The following AUTS2 variants were observed in gnomAD, a reference collection of about 807,000 sequenced individuals.
AUTS2 encodes autism susceptibility gene 2 protein.
AUTS2 carries 17 observed loss-of-function variants against 112.4 expected under a neutral mutation model. The observed-to-expected ratio is 0.15, with a 90% CI of 0.10 to 0.23. AUTS2 has a LOEUF of 0.23. AUTS2 is among the 10% of genes least tolerant of loss of function. AUTS2 has a pLI of 1.00. For missense variants in AUTS2, 1,510 were observed against 1,701.6 expected, an observed-to-expected ratio of 0.89 and a Z score of 1.98; for synonymous variants, 751 against 702.7, an observed-to-expected ratio of 1.07 and a Z score of -1.09.
At chr7:69,812,787 T>C (rs918636180) in intron 1 of AUTS2, among the ~76,000 whole-genome samples, 3 of 152,146 alleles carry the variant, frequency 2.0e-5, no homozygotes, top group Non-Finnish European at 2.9e-5. Context: ...CACTGAGGGC[T>C]GAATGACACT....
At position 70,581,109 on chromosome 7, in the gene AUTS2, G is replaced by A. The variant is rs570857905; in HGVS notation, c.691-117460G>A. ...AAAAAATTTTAAAATAAGGCCGGGC[G>A]TAGTGGCTCACGCTTGTAATACCAG... On this transcript the variant is annotated intron_variant, in intron 5 of 18. Transcript: ENST00000342771. Among the ~76,000 whole-genome samples, 302 of 152,236 alleles carry A rather than the reference G, an allele frequency of 2.0e-3. 1 individual carries two copies. The highest frequency in any genetic ancestry group is 3.8e-3 in the African/African-American group (156 of 41,540).
chr7:70,321,233 T>C (rs538333363), intron 4 of AUTS2, among the ~76,000 whole-genome samples: 37 of 152,326 alleles, frequency 2.4e-4, no homozygotes, highest in African/African-American at 8.2e-4. Context: ...TCCATGCTTG[T>C]TTGACTGTAA....
intron 2 of AUTS2, among the ~76,000 whole-genome samples, chr7:70,039,377 C>T (rs115808109): frequency 0.021 from 3,120 of 152,034 alleles, 126 homozygotes; most frequent in African/African-American, 0.071. Flanking sequence ...TGTTTTTTCT[C>T]CCCAAGATGC....
At chr7:70,173,838 G>A (rs1400241252) in intron 4 of AUTS2, among the ~76,000 whole-genome samples, 1 of 151,888 alleles carries the variant, frequency 6.6e-6, no homozygotes, top group East Asian at 1.9e-4. Flanking sequence ...TATAAGAACA[G>A]TGTGTGTTCT....
chr7:70,221,190 G>A (rs994004383), intron 4 of AUTS2, among the ~76,000 whole-genome samples: 5 of 152,208 alleles, frequency 3.3e-5, no homozygotes, highest in African/African-American at 9.6e-5. Context: ...TTACAGGCAT[G>A]AGCCACCACA....
intron 1 of AUTS2, among the ~76,000 whole-genome samples, chr7:69,773,822 T>G (rs1159209579): frequency 6.6e-6 from 1 of 152,088 alleles, no homozygotes; most frequent in African/African-American, 2.4e-5. Flanking sequence ...GTCTCTACCG[T>G]GTAGCAAAAA....
intron 4 of AUTS2, among the ~76,000 whole-genome samples, chr7:70,298,677 C>A (rs1402775131): frequency 6.6e-6 from 1 of 152,182 alleles, no homozygotes; most frequent in Non-Finnish European, 1.5e-5. Context: ...TATCCAGGTT[C>A]CTATTAAATC....
intron 1 of AUTS2, among the ~76,000 whole-genome samples, chr7:69,811,864 C>T (rs1169874838): frequency 6.6e-6 from 1 of 152,272 alleles, no homozygotes; most frequent in African/African-American, 2.4e-5. Flanking sequence ...AGGGCAAAGA[C>T]TATGTTTTAT....
Position 70,653,876 on chromosome 7 carries a change from G to C in AUTS2, c.691-44693G>C, listed in dbSNP as rs77433435. Among the ~76,000 whole-genome samples, 571 of 152,284 alleles carry C rather than the reference G, an allele frequency of 3.7e-3. 4 individuals carry two copies. The highest frequency in any genetic ancestry group is 0.013 in the African/African-American group (555 of 41,574). ...AGTGATTTGTTATGAATGATTGTTAGGTTTTGGAAGTTTGCAAACTATGTA... is the reference window on the plus strand; with the variant it reads ...AGTGATTTGTTATGAATGATTGTTACGTTTTGGAAGTTTGCAAACTATGTA... On this transcript the variant is annotated intron_variant, in intron 5 of 18. Coordinates refer to ENST00000342771, the MANE Select transcript of AUTS2 (RefSeq NM_015570.4).
Position 70,044,830 on chromosome 7 carries a change from G to A in AUTS2, c.523-73302G>A, listed in dbSNP as rs76030504. On this transcript the variant is annotated intron_variant, in intron 2 of 18. Coordinates refer to ENST00000342771, the MANE Select transcript of AUTS2 (RefSeq NM_015570.4). ...CAGGGTAAGATGACCAGATTCAACT[G>A]TATTCCATGTAGACAACTATGTCAA... Among the ~76,000 whole-genome samples, 1,030 of 152,168 alleles carry A rather than the reference G, an allele frequency of 6.8e-3. 10 individuals carry two copies. The highest frequency in any genetic ancestry group is 0.012 in the Non-Finnish European group (799 of 68,016).
chr7:70,565,087 G>A lies in AUTS2; in HGVS notation c.690+129306G>A, dbSNP rs548078611. Among the ~76,000 whole-genome samples, 216 of 152,116 alleles carry A rather than the reference G, an allele frequency of 1.4e-3. 7 individuals carry two copies. In the South Asian group the frequency reaches 0.042, roughly 30 times the overall value. On this transcript the variant is annotated intron_variant, in intron 5 of 18. Transcript: ENST00000342771. ...TACTCCAGCCTGGGCGATAGAGTGA[G>A]ACTCTGTCTCAAAAAATAAATAAAT...
At chr7:69,633,635 T>C (rs1265425823) in intron 1 of AUTS2, among the ~76,000 whole-genome samples, 1 of 152,238 alleles carries the variant, frequency 6.6e-6, no homozygotes, top group African/African-American at 2.4e-5. Context: ...ATGTAAGAGC[T>C]GTCCTAATGG....
intron 4 of AUTS2, among the ~76,000 whole-genome samples, chr7:70,362,709 C>A (rs185639676): frequency 6.6e-6 from 1 of 151,274 alleles, no homozygotes; most frequent in Non-Finnish European, 1.5e-5. Context: ...TCAGAAAGTT[C>A]TTTTTAAAGG....
intron 4 of AUTS2, among the ~76,000 whole-genome samples, chr7:70,339,289 A>C (rs1373336498): frequency 2.0e-5 from 3 of 152,080 alleles, no homozygotes; most frequent in African/African-American, 7.2e-5. Context: ...TCTTATTGTT[A>C]TTATCTCTTT....
intron 7 of AUTS2, among the ~76,000 whole-genome samples, 157 bp downstream of exon 7, chr7:70,763,498 G>A (rs937611679): frequency 2.0e-5 from 3 of 152,184 alleles, no homozygotes; most frequent in African/African-American, 7.2e-5. Flanking sequence ...GCTGTTGGGT[G>A]AGACTCGGGT....
chr7:70,077,768 C>T (rs1310823290), intron 2 of AUTS2, among the ~76,000 whole-genome samples: 2 of 152,182 alleles, frequency 1.3e-5, no homozygotes, highest in Admixed American at 1.3e-4. Context: ...GCTGCACTCT[C>T]TGACCAGGAT....
intron 2 of AUTS2, among the ~76,000 whole-genome samples, chr7:69,978,902 G>A (rs112785262): frequency 0.015 from 1,112 of 72,934 alleles, 10 homozygotes; most frequent in African/African-American, 0.038. Context: ...ACACACACAC[G>A]CACACACGCA....
At chr7:69,910,989 T>C (rs1795330639) in intron 2 of AUTS2, among the ~76,000 whole-genome samples, 1 of 152,216 alleles carries the variant, frequency 6.6e-6, no homozygotes, top group Non-Finnish European at 1.5e-5. Context: ...GAGAACAGCA[T>C]GGGAAAGACC....
At chr7:69,774,008 G>A (rs1028099056) in intron 1 of AUTS2, among the ~76,000 whole-genome samples, 7 of 152,246 alleles carry the variant, frequency 4.6e-5, no homozygotes, top group Non-Finnish European at 4.4e-5. Flanking sequence ...AGCAGGCAAT[G>A]TGACCCAGTG....
Sources: allele counts gnomAD v4.1 joint callset (sites outside exome capture counted in the v4.1 genomes callset), GRCh38; gene constraint gnomAD v4.1.1; transcripts MANE v1.5; gene names NCBI Gene and HGNC (gene_info 2026-07-23, HGNC 2026-07-21).